Variants in DST observed in about 807,000 individuals in gnomAD.
DST encodes the protein dystonin, also known as bullous pemphigoid antigen.
DST carries 253 observed loss-of-function variants against 875.2 expected under a neutral mutation model. That is an observed-to-expected ratio of 0.29 (90% CI 0.26 to 0.32). The LOEUF (loss-of-function observed/expected upper bound fraction) is 0.32. Ranked by LOEUF, DST falls within the 10% of genes least tolerant of loss-of-function variation. The probability of loss-of-function intolerance (pLI) is 1.00; values close to 1 mark genes in which losing one functional copy is unlikely to be tolerated. For missense variants in DST, 8,287 were observed against 9,111.6 expected (o/e 0.91, Z 3.68); for synonymous variants, 3,124 against 3,197.1 (o/e 0.98, Z 0.77).
At chr6:56,517,160 T>G (rs780183409) in intron 71 of DST, 38 bp downstream of exon 71, 4 of 1,469,122 alleles carry the variant, frequency 2.7e-6, no homozygotes, top group Non-Finnish European at 2.9e-6. Context: ...TGCTGTTTTT[T>G]CAAGAGTCCC....
intron 2 of DST, among the ~76,000 whole-genome samples, chr6:56,946,002 A>G (rs1819285434): frequency 6.6e-6 from 1 of 152,204 alleles, no homozygotes; most frequent in Non-Finnish European, 1.5e-5. Context: ...TTGTGAATAT[A>G]CCAAAAACCA....
intron 2 of DST, among the ~76,000 whole-genome samples, chr6:56,922,366 T>C (rs1455622868): frequency 6.6e-6 from 1 of 152,302 alleles, no homozygotes; most frequent in South Asian, 2.1e-4. Context: ...CTTTGGGCAA[T>C]GTGGTTGGAA....
At chr6:56,855,265 T>C (rs1047312075) in intron 3 of DST, among the ~76,000 whole-genome samples, 6 of 152,198 alleles carry the variant, frequency 3.9e-5, no homozygotes, top group Admixed American at 3.9e-4. Flanking sequence ...GACTAATTAA[T>C]ATAAATGAGA....
At chr6:56,929,624 T>G (rs904495806) in intron 2 of DST, among the ~76,000 whole-genome samples, 1 of 152,196 alleles carries the variant, frequency 6.6e-6, no homozygotes, top group African/African-American at 2.4e-5. Context: ...ACTGATATAC[T>G]TTTATATGCT....
intron 87 of DST, among the ~76,000 whole-genome samples, chr6:56,486,469 C>A (rs1416838565): frequency 1.4e-5 from 2 of 142,242 alleles, no homozygotes; most frequent in Non-Finnish European, 3.2e-5. Context: ...TTGATACTGA[C>A]AAAAATCATT....
chr6:56,553,486 G>T lies in DST; in HGVS notation c.15306C>A (p.Asp5102Glu). The T allele has an allele frequency of 1.9e-6, 3 of 1,613,596 alleles. No individual in the cohort carries two copies. The highest frequency in any genetic ancestry group is 2.5e-6 in the Non-Finnish European group (3 of 1,179,818). Residue 5102 changes from aspartate to glutamate, a missense_variant, in exon 61 of 104, where the codon GAC becomes GAA. Asp to Glu is a conservative substitution (Grantham distance 45, BLOSUM62 2). Coordinates refer to ENST00000680361, the MANE Select transcript of DST (RefSeq NM_001374736.1). ...ACTGAGCGGTCAAAGTTTTACTAAA[G>T]TCTTTATGATCTTTAATTAATGACT... is the stretch of plus-strand genomic sequence containing the variant. ...VLESLIKDHK[D>E]FSKTLTAQSH...
At chr6:56,615,082 A>C (rs1013628760) in intron 36 of DST, 4 of 1,024,336 alleles carry the variant, frequency 3.9e-6, no homozygotes, top group Non-Finnish European at 4.7e-6. Flanking sequence ...TGCAGCTTGA[A>C]GGCTGTGGGA....
chr6:56,542,236 T>C (rs1223376364), intron 61 of DST, among the ~76,000 whole-genome samples: 1 of 151,294 alleles, frequency 6.6e-6, no homozygotes, highest in Non-Finnish European at 1.5e-5. Flanking sequence ...TTTTTTTTTT[T>C]GGAGGGGGGA....
chr6:56,578,661 C>T (rs1199272911), intron 50 of DST, among the ~76,000 whole-genome samples, 153 bp downstream of exon 50: 1 of 152,158 alleles, frequency 6.6e-6, no homozygotes, highest in Non-Finnish European at 1.5e-5. Flanking sequence ...CCAAAGAAGG[C>T]ATGCCTTTTC....
intron 9 of DST, among the ~76,000 whole-genome samples, chr6:56,694,495 G>A (rs2099251600): frequency 6.6e-6 from 1 of 152,036 alleles, no homozygotes; most frequent in East Asian, 1.9e-4. Flanking sequence ...AAGAGAAGCT[G>A]GTAAAAATAA....
At chr6:56,559,435 A>G (rs1294892841) in intron 58 of DST, among the ~76,000 whole-genome samples, 2 of 152,116 alleles carry the variant, frequency 1.3e-5, no homozygotes, top group African/African-American at 4.8e-5. Flanking sequence ...AAACTAAAAT[A>G]TACTTAGAGA....
chr6:56,816,240 G>T (rs1242590085), intron 4 of DST, among the ~76,000 whole-genome samples: 1 of 152,098 alleles, frequency 6.6e-6, no homozygotes, highest in Non-Finnish European at 1.5e-5. Flanking sequence ...AATAACATGA[G>T]GTAAACCCAA....
chr6:56,843,751 G>A (rs1482569423), intron 4 of DST: 1 of 332,626 alleles, frequency 3.0e-6, no homozygotes, highest in Admixed American at 6.5e-5. Context: ...GGAGGGTGGA[G>A]GGTGGAGGGC....
chr6:56,723,514 A>G (rs1234617288), intron 5 of DST, among the ~76,000 whole-genome samples: 1 of 152,174 alleles, frequency 6.6e-6, no homozygotes, highest in Admixed American at 6.5e-5. Flanking sequence ...TGATGAGCCA[A>G]GATCACACCA....
intron 10 of DST, among the ~76,000 whole-genome samples, chr6:56,653,509 AC>A (rs555327533): frequency 2.9e-4 from 44 of 152,148 alleles, no homozygotes; most frequent in Admixed American, 2.2e-3. Flanking sequence ...ACATGGCGAA[AC>A]CCTGTCTCTA....
intron 86 of DST, among the ~76,000 whole-genome samples, chr6:56,489,031 A>C (rs1454535044): frequency 6.6e-6 from 1 of 152,206 alleles, no homozygotes; most frequent in East Asian, 1.9e-4. Flanking sequence ...ATTAATTTAC[A>C]ATTTAGGTAC....
At chr6:56,615,777 C>G (rs2098608294) in intron 36 of DST, 3 of 1,614,058 alleles carry the variant, frequency 1.9e-6, no homozygotes, top group Admixed American at 1.7e-5. Flanking sequence ...TCTATCAACC[C>G]TCCTGTCAAG....
intron 2 of DST, among the ~76,000 whole-genome samples, chr6:56,929,159 GTGATC>G (rs1473137929): frequency 6.6e-6 from 1 of 152,088 alleles, no homozygotes; most frequent in Non-Finnish European, 1.5e-5. Context: ...AAATGGCCAT[GTGATC>G]ATATTTACCA....
At chr6:56,581,392 A>G (rs895966592) in intron 49 of DST, among the ~76,000 whole-genome samples, 1 of 152,178 alleles carries the variant, frequency 6.6e-6, no homozygotes, top group Non-Finnish European at 1.5e-5. Flanking sequence ...TCTGTCCCCA[A>G]AGATTAAAGG....
Sources: gnomAD v4.1 joint callset for allele counts (sites outside exome capture counted in the v4.1 genomes callset) on GRCh38, gnomAD v4.1.1 for gene constraint, MANE v1.5 for transcripts, NCBI Gene and HGNC (gene_info 2026-07-23, HGNC 2026-07-21) for gene names.